SPIDR: variants seen among roughly 807,000 people sequenced by gnomAD.
SPIDR encodes DNA repair-scaffolding protein.
Under a neutral mutation model 104.6 loss-of-function variants are expected in SPIDR, and 93 were observed. The observed-to-expected ratio is 0.89, with a 90% CI of 0.75 to 1.06. The LOEUF (loss-of-function observed/expected upper bound fraction) is 1.06, where lower values mean the gene tolerates loss of function less well. SPIDR is among the 50% of genes least tolerant of loss of function. The probability of loss-of-function intolerance (pLI) is 0.00; values close to 1 mark genes in which losing one functional copy is unlikely to be tolerated. For missense variants in SPIDR, 1,154 were observed against 1,111.2 expected (o/e 1.04, Z -0.55); for synonymous variants, 431 against 416.9 (o/e 1.03, Z -0.41).
intron 8 of SPIDR, among the ~76,000 whole-genome samples, chr8:47,585,765 G>A (rs1048443727): frequency 1.3e-5 from 2 of 152,106 alleles, no homozygotes; most frequent in African/African-American, 2.4e-5. Context: ...GAGCATGCTA[G>A]GTCAGGTCTC....
intron 5 of SPIDR, among the ~76,000 whole-genome samples, chr8:47,311,637 G>C (rs1412422156): frequency 1.3e-5 from 2 of 152,024 alleles, no homozygotes; most frequent in African/African-American, 4.8e-5. Flanking sequence ...GGGAAACGAA[G>C]TGAGACTTCA....
chr8:47,405,932 G>A (rs1317125264), intron 6 of SPIDR, among the ~76,000 whole-genome samples: 1 of 152,230 alleles, frequency 6.6e-6, no homozygotes, highest in East Asian at 1.9e-4. Flanking sequence ...ACTCAGGTGA[G>A]ATGCAGATTT....
intron 10 of SPIDR, among the ~76,000 whole-genome samples, chr8:47,604,129 C>T (rs890504874): frequency 6.6e-6 from 1 of 152,182 alleles, no homozygotes; most frequent in East Asian, 1.9e-4. Flanking sequence ...CAATAAGTAC[C>T]CTGGTGAGAA....
chr8:47,676,462 A>C (rs897983496), intron 11 of SPIDR, among the ~76,000 whole-genome samples: 1 of 151,874 alleles, frequency 6.6e-6, no homozygotes, highest in African/African-American at 2.4e-5. Context: ...GGGATGTTAT[A>C]ATTGCTTATT....
rs117333754 is a variant in SPIDR at position 47,399,564 on chromosome 8, A to G, written c.776+2938A>G. Among the ~76,000 whole-genome samples, 82 of 152,280 alleles carry G rather than the reference A, an allele frequency of 5.4e-4. 1 individual carries two copies. The East Asian group carries it at 0.015, about 28-fold the overall frequency. On this transcript the variant is annotated intron_variant, in intron 6 of 19. Coordinates refer to ENST00000297423, the MANE Select transcript of SPIDR (RefSeq NM_001080394.4). Reference sequence around the variant, plus strand: ...TGTAGTGGGGACAGATGAACTGGAGAAGGGCTCCAGGGCTGTCTGACAGGA... The same window carrying G: ...TGTAGTGGGGACAGATGAACTGGAGGAGGGCTCCAGGGCTGTCTGACAGGA...
intron 3 of SPIDR, among the ~76,000 whole-genome samples, chr8:47,285,537 G>C (rs1323386970): frequency 6.6e-6 from 1 of 152,110 alleles, no homozygotes; most frequent in Non-Finnish European, 1.5e-5. Context: ...TGGAATTTTT[G>C]TTAATAGGAT....
chr8:47,456,720 A>G (rs530929542), intron 8 of SPIDR, among the ~76,000 whole-genome samples: 35 of 152,214 alleles, frequency 2.3e-4, no homozygotes, highest in South Asian at 1.0e-3. Context: ...CCCAAGCAGT[A>G]TACACTGAAC....
chr8:47,718,131 G>C (rs2082837569), intron 16 of SPIDR, among the ~76,000 whole-genome samples: 1 of 152,214 alleles, frequency 6.6e-6, no homozygotes, highest in African/African-American at 2.4e-5. Flanking sequence ...GCCGGGATCT[G>C]TGCTTTTATT....
chr8:47,697,695 C>T (rs2154481374), intron 11 of SPIDR: 1 of 152,728 alleles, frequency 6.5e-6, no homozygotes, highest in East Asian at 1.9e-4. Flanking sequence ...TGCCATGTAC[C>T]ATGCTGTCTC....
chr8:47,615,747 G>A (rs1483176544), intron 10 of SPIDR, among the ~76,000 whole-genome samples: 3 of 151,808 alleles, frequency 2.0e-5, no homozygotes, highest in African/African-American at 7.3e-5. Context: ...AAAACCATTG[G>A]TTTTTGATAA....
chr8:47,596,253 T>C (rs540936328), intron 9 of SPIDR, among the ~76,000 whole-genome samples: 5 of 152,350 alleles, frequency 3.3e-5, no homozygotes, highest in Admixed American at 2.6e-4. Flanking sequence ...TTCTAATTTA[T>C]TAAAATAGAG....
At chr8:47,364,805 A>C (rs1325519878) in intron 5 of SPIDR, among the ~76,000 whole-genome samples, 4 of 152,176 alleles carry the variant, frequency 2.6e-5, no homozygotes, top group African/African-American at 9.7e-5. Flanking sequence ...CTGAGTTTGT[A>C]ATCAGACCTT....
At position 47,709,496 on chromosome 8, in the gene SPIDR, G is replaced by A. The variant is rs569720792; in HGVS notation, c.1978-3166G>A. ...TTACCATGTTGGCCAGGCTAGTCTC[G>A]AACTCCTGACCTCAAGTGATCCACC... On this transcript the variant is annotated intron_variant, in intron 14 of 19. Transcript: ENST00000297423. Among the ~76,000 whole-genome samples, 255 of 152,236 alleles carry A rather than the reference G, an allele frequency of 1.7e-3. 2 individuals carry two copies. The highest frequency in any genetic ancestry group is 1.4e-3 in the Non-Finnish European group (94 of 68,012).
intron 5 of SPIDR, among the ~76,000 whole-genome samples, chr8:47,327,864 G>C (rs2047952129): frequency 6.6e-6 from 1 of 151,766 alleles, no homozygotes; most frequent in Non-Finnish European, 1.5e-5. Flanking sequence ...CACCTGACCT[G>C]ATTTTTGTAT....
chr8:47,695,660 C>G (rs138391196), intron 11 of SPIDR, among the ~76,000 whole-genome samples: 1 of 152,164 alleles, frequency 6.6e-6, no homozygotes, highest in South Asian at 2.1e-4. Context: ...GCTAATGTTC[C>G]GGTGTGCAAA....
intron 8 of SPIDR, among the ~76,000 whole-genome samples, chr8:47,516,725 A>T (rs1414096988): frequency 6.6e-6 from 1 of 152,180 alleles, no homozygotes; most frequent in Non-Finnish European, 1.5e-5. Flanking sequence ...CTGTGTGAAT[A>T]ATGCTTCTGT....
At chr8:47,583,066 T>C (rs1022903462) in intron 8 of SPIDR, among the ~76,000 whole-genome samples, 26 of 151,880 alleles carry the variant, frequency 1.7e-4, no homozygotes, top group African/African-American at 6.0e-4. Context: ...AAGTATGCTC[T>C]GAGAATTTAC....
At chr8:47,647,618 G>GAGAGAGAT (rs2070693387) in intron 10 of SPIDR, among the ~76,000 whole-genome samples, 2 of 99,812 alleles carry the variant, frequency 2.0e-5, no homozygotes, top group Non-Finnish European at 3.9e-5. Context: ...CATCTCGAAA[G>GAGAGAGAT]AGAGAGAGAG....
At chr8:47,283,322 A>C (rs2038180702) in intron 2 of SPIDR, among the ~76,000 whole-genome samples, 1 of 152,234 alleles carries the variant, frequency 6.6e-6, no homozygotes, top group Non-Finnish European at 1.5e-5. Context: ...TGGTTGGTGG[A>C]GCAGTCAGAA....
Sources: gnomAD v4.1 joint callset for allele counts (sites outside exome capture counted in the v4.1 genomes callset) on GRCh38, gnomAD v4.1.1 for gene constraint, MANE v1.5 for transcripts, NCBI Gene and HGNC (gene_info 2026-07-23, HGNC 2026-07-21) for gene names.